Variants in PPIL6 observed in about 807,000 individuals in gnomAD.
The protein encoded by PPIL6 is probable inactive peptidyl-prolyl cis-trans isomerase-like 6.
Under a neutral mutation model 36.8 loss-of-function variants are expected in PPIL6, and 39 were observed. That is an observed-to-expected ratio of 1.06 (90% CI 0.82 to 1.38). The LOEUF (loss-of-function observed/expected upper bound fraction) is 1.38. Ranked by LOEUF, PPIL6 falls within the 40% of genes most tolerant of loss-of-function variation. The pLI, the probability that PPIL6 is intolerant of heterozygous loss-of-function variation, is 0.00. For missense variants in PPIL6, 368 were observed against 379.1 expected (o/e 0.97, Z 0.24); for synonymous variants, 123 against 134.1 (o/e 0.92, Z 0.57).
intron 2 of PPIL6, 99 bp from the exon 3 acceptor site, chr6:109,431,444 A>T (rs1454463082): frequency 2.7e-6 from 2 of 748,514 alleles, no homozygotes; most frequent in Non-Finnish European, 4.1e-6. Context: ...CTAGGTCTGA[A>T]TTTGTCAACT....
chr6:109,404,999 A>C (rs2115209084), intron 6 of PPIL6: 1 of 339,130 alleles, frequency 2.9e-6, no homozygotes, highest in East Asian at 1.2e-4. Flanking sequence ...GGTTGCAGTG[A>C]GCCGAGATCA....
intron 7 of PPIL6, 96 bp downstream of exon 7, chr6:109,399,939 G>C: frequency 1.1e-6 from 1 of 896,664 alleles, no homozygotes; most frequent in East Asian, 2.9e-5. Flanking sequence ...CCTATTTTTA[G>C]CTACCTATAC....
At position 109,436,133 on chromosome 6, in the gene PPIL6, A is replaced by G. The variant is rs747701361; in HGVS notation, c.202T>C (p.Trp68Arg). ...TTTTTCTCCTGTAGATATTGATGCC[A>G]TGCAAATTCTTGAAGAGGAACTAAT... is the stretch of plus-strand genomic sequence containing the variant. ...PILVPLQEFA[W>R]HQYLQEKKRE... Residue 68 changes from tryptophan to arginine, a missense_variant, in exon 2 of 8, where the codon TGG becomes CGG. Transcript: ENST00000521072. 1 of 1,586,324 alleles carries G rather than the reference A, an allele frequency of 6.3e-7. No individual in the cohort carries two copies. The highest frequency in any genetic ancestry group is 1.1e-5 in the South Asian group (1 of 90,208).
At chr6:109,431,761 C>T (rs1007846968) in intron 2 of PPIL6, among the ~76,000 whole-genome samples, 1 of 152,202 alleles carries the variant, frequency 6.6e-6, no homozygotes, top group Non-Finnish European at 1.5e-5. Flanking sequence ...AAGCCATCCA[C>T]CCTATAGTTC....
intron 5 of PPIL6, among the ~76,000 whole-genome samples, chr6:109,424,139 A>G (rs7748669): frequency 0.41 from 61,962 of 151,714 alleles, 12,661 homozygotes; most frequent in East Asian, 0.49. Flanking sequence ...GGACAGGAAG[A>G]TGGCAGTTTC....
chr6:109,393,507 T>G (rs1275473191), intron 7 of PPIL6, among the ~76,000 whole-genome samples: 1 of 152,154 alleles, frequency 6.6e-6, no homozygotes. Flanking sequence ...ATTATAAGTG[T>G]GCGCCACCAC....
intron 6 of PPIL6, among the ~76,000 whole-genome samples, chr6:109,404,757 C>A (rs1461377697): frequency 6.6e-6 from 1 of 152,254 alleles, no homozygotes; most frequent in East Asian, 1.9e-4. Context: ...CTTTGGCCAT[C>A]GATTCAATAA....
intron 7 of PPIL6, among the ~76,000 whole-genome samples, chr6:109,395,623 T>G (rs1233270912): frequency 2.7e-5 from 4 of 149,868 alleles, no homozygotes; most frequent in Admixed American, 1.3e-4. Flanking sequence ...TTTTTTTTTT[T>G]TTGAGACAGT....
intron 5 of PPIL6, among the ~76,000 whole-genome samples, chr6:109,422,001 C>T (rs527381731): frequency 9.8e-5 from 15 of 152,306 alleles, no homozygotes; most frequent in Admixed American, 2.0e-4. Flanking sequence ...CTCAGCCTCC[C>T]GAGCAGCTGG....
intron 6 of PPIL6, among the ~76,000 whole-genome samples, chr6:109,416,172 T>C (rs1165259937): frequency 6.6e-6 from 1 of 151,594 alleles, no homozygotes; most frequent in Non-Finnish European, 1.5e-5. Context: ...TAGTGCTTGC[T>C]TCTCTTACTA....
At chr6:109,437,091 T>C (rs929678871) in intron 1 of PPIL6, among the ~76,000 whole-genome samples, 2 of 152,262 alleles carry the variant, frequency 1.3e-5, no homozygotes, top group Non-Finnish European at 2.9e-5. Flanking sequence ...ATGTTCTAGT[T>C]TGACATAGAT....
chr6:109,440,213 T>G, intron 1 of PPIL6: 1 of 590,528 alleles, frequency 1.7e-6, no homozygotes, highest in Non-Finnish European at 3.2e-6. Context: ...AACCCTTCCT[T>G]CGCTCAGTTC....
chr6:109,427,738 T>C (rs918200693), intron 3 of PPIL6, among the ~76,000 whole-genome samples: 3 of 152,122 alleles, frequency 2.0e-5, no homozygotes, highest in Admixed American at 1.3e-4. Flanking sequence ...CTGGAGAACA[T>C]TAACCTATCT....
At chr6:109,426,227 G>A (rs1285347964) in intron 5 of PPIL6, among the ~76,000 whole-genome samples, 1 of 152,090 alleles carries the variant, frequency 6.6e-6, no homozygotes, top group East Asian at 1.9e-4. Context: ...ATGTGTCATC[G>A]AGTTCAAGCA....
chr6:109,441,032 TG>T, upstream of PPIL6: 1 of 1,353,394 alleles, frequency 7.4e-7, no homozygotes, highest in Non-Finnish European at 1.1e-6. Flanking sequence ...AGGAACGGTC[TG>T]GGGAGAAGGC....
At chr6:109,436,298 A>G in intron 1 of PPIL6, 99 bp from the exon 2 acceptor site, 1 of 707,700 alleles carries the variant, frequency 1.4e-6, no homozygotes, top group South Asian at 1.6e-5. Flanking sequence ...GTTTTATACA[A>G]CACAAGCCCA....
intron 7 of PPIL6, among the ~76,000 whole-genome samples, chr6:109,397,513 G>A (rs188321967): frequency 6.6e-6 from 1 of 152,314 alleles, no homozygotes; most frequent in Admixed American, 6.5e-5. Flanking sequence ...TAAGCTCGCT[G>A]AAGAGCAGGG....
intron 7 of PPIL6, among the ~76,000 whole-genome samples, chr6:109,395,610 T>C (rs111604393): frequency 2.8e-3 from 204 of 71,658 alleles, no homozygotes; most frequent in South Asian, 0.026. Flanking sequence ...CTAACTTCTT[T>C]TTTTTTTTTT....
At chr6:109,441,141 T>C (rs942180857), upstream of PPIL6, 22 of 1,614,158 alleles carry the variant, frequency 1.4e-5, no homozygotes, top group Non-Finnish European at 1.9e-5. Context: ...AACTTCTCCC[T>C]GCGACTGCGG....
Sources: gnomAD v4.1 joint callset for allele counts (sites outside exome capture counted in the v4.1 genomes callset) on GRCh38, gnomAD v4.1.1 for gene constraint, MANE v1.5 for transcripts, NCBI Gene and HGNC (gene_info 2026-07-23, HGNC 2026-07-21) for gene names.